The following HDAC2 variants were observed in gnomAD, a reference collection of about 807,000 sequenced individuals.
The protein encoded by HDAC2 is YY1-associated factor 1.
HDAC2 carries 5 observed loss-of-function variants against 68.5 expected under a neutral mutation model. The ratio of observed to expected loss-of-function variants is 0.07; its 90% CI spans 0.04 to 0.15. HDAC2 has a LOEUF of 0.15. Ranked by LOEUF, HDAC2 falls within the 10% of genes least tolerant of loss-of-function variation. HDAC2 has a pLI of 1.00. For missense variants in HDAC2, 291 were observed against 600.8 expected, an observed-to-expected ratio of 0.48 and a Z score of 5.39; for synonymous variants, 182 against 191.3, an observed-to-expected ratio of 0.95 and a Z score of 0.40.
chr6:113,960,599 A>G (rs1487710139), intron 1 of HDAC2, among the ~76,000 whole-genome samples: 1 of 152,068 alleles, frequency 6.6e-6, no homozygotes, highest in Non-Finnish European at 1.5e-5. Flanking sequence ...CTCATTCTTC[A>G]TGACTAAAAA....
At chr6:113,966,096 T>C (rs776538362) in intron 1 of HDAC2, among the ~76,000 whole-genome samples, 1 of 152,114 alleles carries the variant, frequency 6.6e-6, no homozygotes, top group Non-Finnish European at 1.5e-5. Flanking sequence ...CTACAGTCAG[T>C]GTGGAAAAGG....
Position 113,948,991 on chromosome 6 carries a change from G to T in HDAC2, c.829C>A (p.Leu277Ile). ...TTGAATTGCTTACCTTTGACTGTTA[G>T]ATTGAAACAACCCAGTCTATCACCA... is the stretch of plus-strand genomic sequence containing the variant. ...LSGDRLGCFN[L>I]TVKGHAKCVE... The change falls in exon 8 of 14, where the codon CTA (leucine) becomes ATA (isoleucine). Residue 277 changes from leucine (L) to isoleucine (I), a missense_variant. Leu to Ile is a conservative substitution (Grantham distance 5). This residue lies in a region of HDAC2 where 154 missense variants were observed against 472.1 expected (regional missense o/e 0.33). Transcript: ENST00000519065. 6.2e-7 allele frequency: 1 copy of T among 1,613,798 alleles called. No homozygotes were observed.
chr6:113,958,787 CAG>C (rs745901357), intron 2 of HDAC2, 21 bp from the exon 3 acceptor site: 4 of 1,336,362 alleles, frequency 3.0e-6, no homozygotes, highest in Non-Finnish European at 4.3e-6. Context: ...AAATAAATGT[CAG>C]AACTGTGGAA....
In HDAC2 at chr6:113,970,888, G is replaced by T; in HGVS notation, c.21C>A (p.Gly7=). The change falls in exon 1 of 14, where the codon GGC becomes GGA. Residue 7 remains glycine, a synonymous_variant. Transcript: ENST00000519065. MAYSQG[G]GKKKVCYYYD... Reference sequence around the variant, plus strand: ...AGTAGTAGCAGACTTTTTTTTTGCCGCCTCCTTGACTGTACGCCATGGGCT... The same window carrying T: ...AGTAGTAGCAGACTTTTTTTTTGCCTCCTCCTTGACTGTACGCCATGGGCT... The T allele has an allele frequency of 6.5e-7, 1 of 1,543,974 alleles. No individual in the cohort carries two copies. The highest frequency in any genetic ancestry group is 8.7e-7 in the Non-Finnish European group (1 of 1,145,398).
Position 113,949,014 on chromosome 6 carries a change from C to A in HDAC2, c.806G>T (p.Gly269Val), listed in dbSNP as rs1444811163. The A allele has an allele frequency of 1.2e-6, 2 of 1,613,862 alleles. No individual in the cohort carries two copies. Among genetic ancestry groups the A allele is most frequent in the African/African-American group, 1.3e-5 (1 of 74,892 alleles). The change falls in exon 8 of 14, where the codon GGT becomes GTT. Residue 269 changes from glycine to valine, a missense_variant. Physicochemically the swap from Gly to Val is moderately radical, Grantham distance 109 (BLOSUM62 -3). Coordinates refer to ENST00000519065, the MANE Select transcript of HDAC2 (RefSeq NM_001527.4). ...VLQCGADSLS[G>V]DRLGCFNLTV... is the part of the protein sequence containing the mutation. ...TAGATTGAAACAACCCAGTCTATCACCAGATAATGAGTCTGCACCACACTG... is the reference window on the plus strand; with the variant it reads ...TAGATTGAAACAACCCAGTCTATCAACAGATAATGAGTCTGCACCACACTG...
chr6:113,953,457 G>C, intron 5 of HDAC2, 39 bp from the exon 6 acceptor site: 1 of 1,338,608 alleles, frequency 7.5e-7, no homozygotes, highest in Non-Finnish European at 1.0e-6. Context: ...TTCCTTTAAA[G>C]GTTCTAAGAT....
chr6:113,939,467 CAA>C lies in HDAC2; in HGVS notation c.*1589_*1590del, dbSNP rs1776078152. The stretch of plus-strand genomic sequence containing the variant: ...TATGGAAAAATAAAAATAAAAAAAG[CAA>C]AGTTACAGAATTGTCCAAATACATA... On this transcript the variant is annotated 3_prime_UTR_variant, in exon 14 of 14. Coordinates refer to ENST00000519065, the MANE Select transcript of HDAC2 (RefSeq NM_001527.4). The C allele has an allele frequency of 6.6e-6, 1 of 152,062 alleles. No homozygotes were observed. Among genetic ancestry groups the C allele is most frequent in the African/African-American group, 2.4e-5 (1 of 41,420 alleles). 9.4% of individuals were successfully genotyped at this position (152,062 alleles called of 1,614,324 possible). A position where few individuals can be genotyped will look rare whatever the true frequency, so the allele number is the denominator to read the frequency against.
intron 8 of HDAC2, chr6:113,946,876 C>T (rs575980496): frequency 6.6e-6 from 1 of 152,086 alleles, no homozygotes; most frequent in African/African-American, 2.4e-5. Context: ...TTTGTGCATA[C>T]TGAAGAGTAT....
intron 6 of HDAC2, among the ~76,000 whole-genome samples, chr6:113,949,507 T>A (rs1716761188): frequency 8.2e-6 from 1 of 121,904 alleles, no homozygotes; most frequent in South Asian, 3.2e-4. Flanking sequence ...TCTGTAGTGA[T>A]TATTTTTGAC....
chr6:113,960,508 G>T (rs543466531), intron 1 of HDAC2, among the ~76,000 whole-genome samples: 2 of 152,018 alleles, frequency 1.3e-5, no homozygotes, highest in Non-Finnish European at 2.9e-5. Context: ...GGAAGTTTTG[G>T]TAACTGAAAT....
chr6:113,970,750 T>G, intron 1 of HDAC2, 107 bp downstream of exon 1: 2 of 1,423,268 alleles, frequency 1.4e-6, no homozygotes, highest in Non-Finnish European at 1.8e-6. Flanking sequence ...CAAATGTCGG[T>G]CCCTCCTCCT....
intron 13 of HDAC2, 147 bp downstream of exon 13, chr6:113,941,561 C>T: frequency 2.4e-6 from 1 of 413,146 alleles, no homozygotes; most frequent in Non-Finnish European, 4.3e-6. Context: ...TCTTATGTAC[C>T]AATACAAACT....
chr6:113,956,369 T>C (rs1046721813), intron 4 of HDAC2: 35 of 567,558 alleles, frequency 6.2e-5, no homozygotes, highest in South Asian at 4.9e-4. Flanking sequence ...TGGAAAGTGG[T>C]AGTAACAATG....
chr6:113,945,942 A>G, intron 9 of HDAC2, 66 bp downstream of exon 9: 1 of 1,259,686 alleles, frequency 7.9e-7, no homozygotes, highest in Non-Finnish European at 1.2e-6. Context: ...CCTAATTGCA[A>G]CATAATTAGA....
rs1562153291 is a variant in HDAC2 at position 113,971,066 on chromosome 6, G to A, written c.-158C>T. Reference sequence around the variant, plus strand: ...GGCCGGTGGGAGGAGAGGAGGGGGCGCCGGGAAGGCTCGGTACCACCCGGC... The same window carrying A: ...GGCCGGTGGGAGGAGAGGAGGGGGCACCGGGAAGGCTCGGTACCACCCGGC... On this transcript the variant is annotated 5_prime_UTR_variant, in exon 1 of 14. Transcript: ENST00000519065. 1 of 1,556,194 alleles carries A rather than the reference G, an allele frequency of 6.4e-7. No individual in the cohort carries two copies. Among genetic ancestry groups the A allele is most frequent in the South Asian group, 1.2e-5 (1 of 85,106 alleles).
rs781552925 is a variant in HDAC2 at position 113,940,516 on chromosome 6, T to C, written c.*542A>G. 1.3e-5 allele frequency: 2 copies of C among 152,464 alleles called. No homozygotes were observed. The highest frequency in any genetic ancestry group is 2.9e-5 in the Non-Finnish European group (2 of 68,198). 9.4% of individuals were successfully genotyped at this position (152,464 alleles called of 1,614,324 possible). ...TCACTGATACTAACTGGCTAAGCTA[T>C]AGAGGGCAAGGTGGTAGAATTTCTA... On this transcript the variant is annotated 3_prime_UTR_variant, in exon 14 of 14. Coordinates refer to ENST00000519065, the MANE Select transcript of HDAC2 (RefSeq NM_001527.4).
At chr6:113,963,780 C>A (rs1179526409) in intron 1 of HDAC2, among the ~76,000 whole-genome samples, 2 of 152,272 alleles carry the variant, frequency 1.3e-5, no homozygotes, top group South Asian at 2.1e-4. Context: ...AAAATCAGCT[C>A]AAGGTGGTTC....
At chr6:113,951,473 T>C (rs1229094501) in intron 6 of HDAC2, among the ~76,000 whole-genome samples, 2 of 144,170 alleles carry the variant, frequency 1.4e-5, no homozygotes, top group African/African-American at 5.4e-5. Context: ...GTAAAATCTT[T>C]TTTTTTTTTT....
intron 3 of HDAC2, chr6:113,958,419 A>G: frequency 2.7e-6 from 1 of 371,542 alleles, no homozygotes; most frequent in Non-Finnish European, 4.8e-6. Context: ...AGGGGAGCAA[A>G]CTAGGAGTAG....
Sources: allele counts gnomAD v4.1 joint callset (sites outside exome capture counted in the v4.1 genomes callset), GRCh38; gene constraint gnomAD v4.1.1; regional missense constraint gnomAD v4.1.1; transcripts MANE v1.5; gene names NCBI Gene and HGNC (gene_info 2026-07-23, HGNC 2026-07-21).